Variants in DYNC2I1 observed in about 807,000 individuals in gnomAD.
DYNC2I1 encodes the protein cytoplasmic dynein 2 intermediate chain 1.
In DYNC2I1, 89 loss-of-function variants were observed where a neutral mutation model predicts 133.4. The ratio of observed to expected loss-of-function variants is 0.67; its 90% CI spans 0.56 to 0.80. The LOEUF (loss-of-function observed/expected upper bound fraction) is 0.80. Among genes scored for constraint, DYNC2I1 ranks in the 30% least tolerant of loss-of-function variants. DYNC2I1 has a pLI of 0.00. For missense variants in DYNC2I1, 1,291 were observed against 1,314.5 expected, an observed-to-expected ratio of 0.98 and a Z score of 0.28; for synonymous variants, 504 against 484.3, an observed-to-expected ratio of 1.04 and a Z score of -0.54.
chr7:158,914,086 T>A, intron 13 of DYNC2I1, 147 bp from the exon 14 acceptor site: 1 of 589,036 alleles, frequency 1.7e-6, no homozygotes, highest in South Asian at 2.5e-5. Flanking sequence ...CAGTAGTAAA[T>A]CTAGAGAGTA....
At position 158,933,763 on chromosome 7, in the gene DYNC2I1, T is replaced by C. The variant is rs113081790; in HGVS notation, c.2547-366T>C. 2.3e-3 allele frequency among the ~76,000 whole-genome samples: 352 copies of C among 152,346 alleles called. 1 individual carries two copies. The highest frequency in any genetic ancestry group is 8.1e-3 in the African/African-American group (338 of 41,594). On this transcript the variant is annotated intron_variant, in intron 21 of 24. Coordinates refer to ENST00000407559, the MANE Select transcript of DYNC2I1 (RefSeq NM_018051.5). The stretch of plus-strand genomic sequence containing the variant: ...GCAGATGAGCTCACAACTACAAGCA[T>C]GAAGAAATAGTCTACCTTGGTGCAA...
upstream of DYNC2I1, among the ~76,000 whole-genome samples, chr7:158,851,558 T>C (rs778014926): frequency 1.3e-5 from 2 of 152,322 alleles, no homozygotes; most frequent in Non-Finnish European, 2.9e-5. Context: ...GGTAAAGTTC[T>C]AGCAAAGCCA....
intron 11 of DYNC2I1, among the ~76,000 whole-genome samples, chr7:158,910,274 G>A (rs796085986): frequency 5.3e-5 from 8 of 152,344 alleles, no homozygotes; most frequent in African/African-American, 1.9e-4. Flanking sequence ...CCTGTGGGCA[G>A]AGGGCCATCG....
chr7:158,945,474 T>C lies in DYNC2I1; in HGVS notation c.3003-107T>C. The C allele has an allele frequency of 8.1e-7, 1 of 1,229,762 alleles. No homozygotes were observed. Among genetic ancestry groups the C allele is most frequent in the Non-Finnish European group, 1.1e-6 (1 of 899,820 alleles). The allele number at this position is 1,229,762 out of a possible 1,614,324, so 76.2% of individuals were successfully genotyped here. A position where few individuals can be genotyped will look rare whatever the true frequency, so the allele number is the denominator to read the frequency against. ...TGGCTATTGGTATTTTTAGAATTTC[T>C]CATCCGTTTCACTCTTCCCATGGAA... is the stretch of plus-strand genomic sequence containing the variant. On this transcript the variant is annotated intron_variant, in intron 24 of 24. Transcript: ENST00000407559. This position sits in a 1 kb window ranked among gnomAD's most constrained non-coding sequence, Gnocchi z 4.1.
chr7:158,917,027 C>G (rs866698135), intron 14 of DYNC2I1, among the ~76,000 whole-genome samples: 33 of 46,282 alleles, frequency 7.1e-4, no homozygotes, highest in Middle Eastern at 0.014. Context: ...CGCTGGTTGA[C>G]ATTAAGGATG....
chr7:158,887,211 C>A, intron 7 of DYNC2I1, 136 bp downstream of exon 7: 1 of 813,918 alleles, frequency 1.2e-6, no homozygotes, highest in Non-Finnish European at 2.0e-6. Flanking sequence ...GTGGTGATCC[C>A]AGAAGGCACA....
intron 4 of DYNC2I1, 26 bp from the exon 5 acceptor site, chr7:158,879,658 G>A: frequency 6.5e-7 from 1 of 1,546,294 alleles, no homozygotes; most frequent in East Asian, 2.2e-5. Flanking sequence ...GTGCTCCTGT[G>A]TTTCTCAGCT....
the DYNC2I1 span, among the ~76,000 whole-genome samples, chr7:158,846,186 G>A: frequency 6.6e-6 from 1 of 152,190 alleles, no homozygotes; most frequent in Non-Finnish European, 1.5e-5. Context: ...TTGAACCTGG[G>A]AAGCAGAAGT....
intron 1 of DYNC2I1, among the ~76,000 whole-genome samples, chr7:158,857,534 G>GT (rs374994955): frequency 0.023 from 3,013 of 131,174 alleles, 260 homozygotes; most frequent in African/African-American, 0.07. Context: ...TAAACCTTAG[G>GT]TTTTTGTTTT....
intron 12 of DYNC2I1, among the ~76,000 whole-genome samples, 152 bp from the exon 13 acceptor site, chr7:158,912,833 A>G (rs1217764626): frequency 6.6e-6 from 1 of 152,232 alleles, no homozygotes; most frequent in East Asian, 1.9e-4. Flanking sequence ...ATATATCTAT[A>G]TCGAACGTTT....
In DYNC2I1 at chr7:158,883,654, ACTT is replaced by A. The variant is rs1180401349; in HGVS notation, c.880-906_880-904del. ...AATGTTCTAAGCTTCCTGACCAGTG[ACTT>A]CTTTTTTTTTTTTTTTTTTTTTTTG... On this transcript the variant is annotated intron_variant, in intron 5 of 24. Coordinates refer to ENST00000407559, the MANE Select transcript of DYNC2I1 (RefSeq NM_018051.5). Among the ~76,000 whole-genome samples the A allele has an allele frequency of 2.5e-3, 351 of 137,824 alleles. 5 individuals carry two copies. The highest frequency in any genetic ancestry group is 8.4e-3 in the African/African-American group (305 of 36,410). The allele number at this position is 137,824 out of a possible 152,430, so 90.4% of individuals were successfully genotyped here.
rs1466177398 is a variant in DYNC2I1, at chr7:158,945,682, T to A, written c.3104T>A (p.Leu1035Gln). ...TCTGGCTCCATCGACATCCAGCACC[T>A]GAAGAGGCGGTGGGCGGCCCCGGAG... ...RASGSIDIQHLKRRWAAPEVD... is the reference protein window; with the variant it reads ...RASGSIDIQHQKRRWAAPEVD... The change falls in exon 25 of 25, where the codon CTG becomes CAG. Residue 1035 changes from leucine to glutamine, a missense_variant. Coordinates refer to ENST00000407559, the MANE Select transcript of DYNC2I1 (RefSeq NM_018051.5). The surrounding 1 kb of genome is among the most constrained non-coding windows in gnomAD (Gnocchi z 4.1). 2 of 1,612,606 alleles carry A rather than the reference T, an allele frequency of 1.2e-6. No individual in the cohort carries two copies. Among genetic ancestry groups the A allele is most frequent in the African/African-American group, 2.7e-5 (2 of 75,012 alleles).
At chr7:158,887,878 C>G (rs1488629285) in intron 7 of DYNC2I1, among the ~76,000 whole-genome samples, 1 of 152,150 alleles carries the variant, frequency 6.6e-6, no homozygotes, top group Non-Finnish European at 1.5e-5. Context: ...CTGAGCTTGT[C>G]AATTAGTACA....
In DYNC2I1 at chr7:158,914,279, TG is replaced by T. The variant is rs748734533; in HGVS notation, c.1750del (p.Asp584IlefsTer15). 6.2e-7 allele frequency: 1 copy of T among 1,613,116 alleles called. No individual in the cohort carries two copies. The highest frequency in any genetic ancestry group is 1.1e-5 in the South Asian group (1 of 90,828). On this transcript the variant is annotated frameshift_variant, in exon 14 of 25. Transcript: ENST00000407559. LOFTEE classifies it high-confidence loss of function. ...TSDAVVMPKIDTPRLCSFLRA... is the reference protein window; with the variant it reads ...TSDAVVMPKIXTPRLCSFLRA... The stretch of plus-strand genomic sequence containing the variant: ...CTGATGCTGTAGTTATGCCAAAGAT[TG>T]ATACTCCAAGGTTATGTAGCTTTCT...
chr7:158,927,256 G>A (rs969750925), intron 20 of DYNC2I1, among the ~76,000 whole-genome samples: 48 of 151,676 alleles, frequency 3.2e-4, no homozygotes, highest in Non-Finnish European at 5.9e-4. Flanking sequence ...TTCAAAAATT[G>A]GCTGGGCGTG....
chr7:158,871,674 C>A (rs1842899091), intron 3 of DYNC2I1, 112 bp downstream of exon 3: 1 of 1,257,490 alleles, frequency 8.0e-7, no homozygotes, highest in African/African-American at 1.5e-5. Flanking sequence ...CCCTCCTTCC[C>A]CTTTCCTTTT....
intron 21 of DYNC2I1, 26 bp from the exon 22 acceptor site, chr7:158,934,103 T>C: frequency 1.4e-6 from 2 of 1,400,710 alleles, no homozygotes; most frequent in Non-Finnish European, 1.9e-6. Flanking sequence ...AGTCCATCTG[T>C]TCATTTTGTT....
upstream of DYNC2I1, among the ~76,000 whole-genome samples, chr7:158,855,610 A>G (rs763116451): frequency 3.3e-5 from 5 of 152,242 alleles, no homozygotes; most frequent in African/African-American, 4.8e-5. Flanking sequence ...ATATAAACTA[A>G]GTTTCTCCCA....
At chr7:158,883,256 C>G (rs796615571) in intron 5 of DYNC2I1, among the ~76,000 whole-genome samples, 5 of 144,734 alleles carry the variant, frequency 3.5e-5, no homozygotes, top group African/African-American at 1.3e-4. Context: ...CTCACTGTAT[C>G]GCCCAGGCCA....
Sources: gnomAD v4.1 joint callset for allele counts (sites outside exome capture counted in the v4.1 genomes callset) on GRCh38, gnomAD v4.1.1 for gene constraint, Gnocchi (gnomAD v3.1) non-coding constraint, MANE v1.5 for transcripts, NCBI Gene and HGNC (gene_info 2026-07-23, HGNC 2026-07-21) for gene names.